Variants in COPS7A observed in about 807,000 individuals in gnomAD.
COPS7A encodes the protein COP9 signalosome subunit 7A.
Under a neutral mutation model 35.2 loss-of-function variants are expected in COPS7A, and 20 were observed. The observed-to-expected ratio is 0.57, with a 90% CI of 0.40 to 0.83. The LOEUF (loss-of-function observed/expected upper bound fraction) is 0.83, where lower values mean the gene tolerates loss of function less well. COPS7A is among the 40% of genes least tolerant of loss of function. The pLI, the probability that COPS7A is intolerant of heterozygous loss-of-function variation, is 0.00. For missense variants in COPS7A, 247 were observed against 347.5 expected (o/e 0.71, Z 2.30); for synonymous variants, 139 against 141.4 (o/e 0.98, Z 0.12).
rs1941339705 is a variant in COPS7A, at chr12:6,729,485, C to G, written c.530+36C>G. On this transcript the variant is annotated intron_variant, in intron 5 of 7. Coordinates refer to ENST00000543155, the MANE Select transcript of COPS7A (RefSeq NM_001164094.2). The surrounding 1 kb of genome is among the most constrained non-coding windows in gnomAD (Gnocchi z 4.2). ...TATCCTGGCACTGTCCCCTTCTCAC[C>G]CTGAGAAAGAGAAAGGCGCTTCAGG... is the stretch of plus-strand genomic sequence containing the variant. 1 of 1,598,392 alleles carries G rather than the reference C, an allele frequency of 6.3e-7. No homozygotes were observed. Among genetic ancestry groups the G allele is most frequent in the Admixed American group, 1.7e-5 (1 of 59,196 alleles).
intron 6 of COPS7A, 43 bp downstream of exon 6, chr12:6,730,550 T>C (rs1339255517): frequency 1.2e-6 from 2 of 1,612,174 alleles, no homozygotes; most frequent in East Asian, 4.5e-5. Context: ...TCCTCCAGCC[T>C]GGGCGACTTG....
intron 2 of COPS7A, among the ~76,000 whole-genome samples, chr12:6,725,047 C>G (rs11064333): frequency 0.095 from 14,408 of 152,128 alleles, 778 homozygotes; most frequent in African/African-American, 0.14. Flanking sequence ...AAAAGAGCAT[C>G]CTATTCAGAA....
At chr12:6,730,056 C>T (rs757146388) in intron 5 of COPS7A, among the ~76,000 whole-genome samples, 5 of 152,186 alleles carry the variant, frequency 3.3e-5, no homozygotes, top group Non-Finnish European at 7.3e-5. Flanking sequence ...GGCTCTGTTG[C>T]TCAGTTTGGA....
intron 2 of COPS7A, 42 bp from the exon 3 acceptor site, chr12:6,727,884 A>T (rs1261115696): frequency 1.3e-6 from 2 of 1,592,642 alleles, no homozygotes; most frequent in Non-Finnish European, 1.7e-6. Context: ...GAGGGTGGAG[A>T]GGGAAGACTT....
chr12:6,731,531 A>G lies in COPS7A; in HGVS notation c.*492A>G, dbSNP rs1941396513. 4.9e-6 allele frequency: 1 copy of G among 202,630 alleles called. No homozygotes were observed. The highest frequency in any genetic ancestry group is 9.8e-6 in the Non-Finnish European group (1 of 101,832). 12.6% of individuals were successfully genotyped at this position (202,630 alleles called of 1,614,324 possible). ...TGAGAATTCTGGGAGCCAGTCTGCC[A>G]TGCCAGGAGTCACTGGACATGTTCA... On this transcript the variant is annotated 3_prime_UTR_variant, in exon 8 of 8. Coordinates refer to ENST00000543155, the MANE Select transcript of COPS7A (RefSeq NM_001164094.2).
intron 6 of COPS7A, 61 bp from the exon 7 acceptor site, chr12:6,730,608 G>A (rs1941367266): frequency 6.2e-7 from 1 of 1,611,246 alleles, no homozygotes; most frequent in South Asian, 1.1e-5. Context: ...ACAACCAGAT[G>A]AGCAGGGGCT....
At chr12:6,727,771 A>C in intron 2 of COPS7A, 155 bp from the exon 3 acceptor site, 1 of 720,390 alleles carries the variant, frequency 1.4e-6, no homozygotes, top group Non-Finnish European at 2.5e-6. Context: ...CTATGTGAAG[A>C]GTGATCAGAG....
Position 6,731,267 on chromosome 12 carries a change from C to T in COPS7A, c.*228C>T. 1.4e-6 allele frequency: 2 copies of T among 1,446,006 alleles called. No homozygotes were observed. 89.6% of individuals were successfully genotyped at this position (1,446,006 alleles called of 1,614,324 possible). A position where few individuals can be genotyped will look rare whatever the true frequency, so the allele number is the denominator to read the frequency against. ...TTTTGTGACTTCATGTGTTCCATTG[C>T]TCCCCGCTGCCATGCTCTCTCCCTT... On this transcript the variant is annotated 3_prime_UTR_variant, in exon 8 of 8. Coordinates refer to ENST00000543155, the MANE Select transcript of COPS7A (RefSeq NM_001164094.2).
intron 1 of COPS7A, 155 bp downstream of exon 1, chr12:6,724,334 G>C (rs1002867490): frequency 2.2e-6 from 1 of 451,798 alleles, no homozygotes; most frequent in African/African-American, 2.0e-5. Flanking sequence ...CGTCAGGGTG[G>C]ACACCATGCG....
At chr12:6,727,001 ATATTCT>A (rs765048164) in intron 2 of COPS7A, among the ~76,000 whole-genome samples, 1 of 152,348 alleles carries the variant, frequency 6.6e-6, no homozygotes, top group South Asian at 2.1e-4. Context: ...TTGTTGAAAG[ATATTCT>A]TAGGTAGCAA....
At chr12:6,730,920 G>A in intron 7 of COPS7A, 80 bp from the exon 8 acceptor site, 3 of 1,584,872 alleles carry the variant, frequency 1.9e-6, no homozygotes, top group Non-Finnish European at 2.6e-6. Flanking sequence ...CATGGGAGTA[G>A]GGAGTGGGGG....
intron 5 of COPS7A, among the ~76,000 whole-genome samples, chr12:6,730,157 C>T (rs1941356806): frequency 6.6e-6 from 1 of 152,232 alleles, no homozygotes; most frequent in African/African-American, 2.4e-5. Flanking sequence ...CACGGGACTA[C>T]AGGCTCGTGT....
rs891131268 is a variant in COPS7A, at chr12:6,724,665, G to C, written c.9G>C (p.Ala3=). 4 of 1,614,132 alleles carry C rather than the reference G, an allele frequency of 2.5e-6. No individual in the cohort carries two copies. The highest frequency in any genetic ancestry group is 3.3e-5 in the Admixed American group (2 of 60,022). Residue 3 remains alanine (A), a synonymous_variant, in exon 2 of 8, where the codon GCG becomes GCC. Transcript: ENST00000543155. Reference sequence around the variant, plus strand: ...CCACACTCAGTGCAGTGATGAGTGCGGAAGTGAAGGTGACAGGGCAGAACC... The same window carrying C: ...CCACACTCAGTGCAGTGATGAGTGCCGAAGTGAAGGTGACAGGGCAGAACC... MS[A]EVKVTGQNQE...
chr12:6,725,430 T>G (rs1046575952), intron 2 of COPS7A, among the ~76,000 whole-genome samples: 2 of 152,128 alleles, frequency 1.3e-5, no homozygotes, highest in Non-Finnish European at 2.9e-5. Flanking sequence ...GTGCTGGGAT[T>G]ACAGGCTTGA....
chr12:6,726,884 A>G (rs556911173), intron 2 of COPS7A, among the ~76,000 whole-genome samples: 98 of 152,314 alleles, frequency 6.4e-4, no homozygotes, highest in African/African-American at 2.2e-3. Context: ...AGTTGAAGAG[A>G]GAAGATGAAT....
chr12:6,724,259 C>T, intron 1 of COPS7A, 80 bp downstream of exon 1: 1 of 355,800 alleles, frequency 2.8e-6, no homozygotes, highest in South Asian at 2.0e-5. Context: ...GTGTAAGCTT[C>T]AATGGGGGTG....
chr12:6,724,540 C>T, intron 1 of COPS7A, 74 bp from the exon 2 acceptor site: 1 of 1,238,360 alleles, frequency 8.1e-7, no homozygotes, highest in South Asian at 1.2e-5. Flanking sequence ...CTTTACAATC[C>T]AGTCCCTCAG....
chr12:6,731,370 C>G lies in COPS7A; in HGVS notation c.*331C>G, dbSNP rs1047302802. On this transcript the variant is annotated 3_prime_UTR_variant, in exon 8 of 8. Transcript: ENST00000543155. ...GTGGGTAGCCCTGATGGGGGTCGCT[C>G]TGTCTGGAGCATAACCCACAGGCGT... The G allele has an allele frequency of 4.5e-6, 6 of 1,344,310 alleles. No individual in the cohort carries two copies. Among genetic ancestry groups the G allele is most frequent in the South Asian group, 2.0e-5 (1 of 50,844 alleles). The allele number at this position is 1,344,310 out of a possible 1,614,324, so 83.3% of individuals were successfully genotyped here.
chr12:6,731,055 C>A lies in COPS7A; in HGVS notation c.*16C>A, dbSNP rs1163560185. 1.2e-6 allele frequency: 2 copies of A among 1,614,056 alleles called. No individual in the cohort carries two copies. The highest frequency in any genetic ancestry group is 8.5e-7 in the Non-Finnish European group (1 of 1,179,992). ...GTCGAATTGAAAGGACTGTCGTTTC[C>A]TCCCTGGGGATGTGGGGTCCCAGCT... On this transcript the variant is annotated 3_prime_UTR_variant, in exon 8 of 8. Transcript: ENST00000543155.
Sources: gnomAD v4.1 joint callset for allele counts (sites outside exome capture counted in the v4.1 genomes callset) on GRCh38, gnomAD v4.1.1 for gene constraint, Gnocchi (gnomAD v3.1) non-coding constraint, MANE v1.5 for transcripts, NCBI Gene and HGNC (gene_info 2026-07-23, HGNC 2026-07-21) for gene names.